KCNMB2: variants seen among roughly 807,000 people sequenced by gnomAD.
KCNMB2 encodes the protein potassium calcium-activated channel subfamily M regulatory beta subunit 2.
Under a neutral mutation model 24.5 loss-of-function variants are expected in KCNMB2, and 9 were observed. The ratio of observed to expected loss-of-function variants is 0.37; its 90% CI spans 0.22 to 0.64. The LOEUF is 0.64. Among genes scored for constraint, KCNMB2 ranks in the 30% least tolerant of loss-of-function variants. The probability of loss-of-function intolerance (pLI) is 0.63; values close to 1 mark genes in which losing one functional copy is unlikely to be tolerated. For missense variants in KCNMB2, 226 were observed against 284.3 expected (o/e 0.79, Z 1.47); for synonymous variants, 109 against 104.4 (o/e 1.04, Z -0.27).
rs374420503 is a variant in KCNMB2, at chr3:178,779,809, T to C, written c.-67-27534T>C. On this transcript the variant is annotated intron_variant, in intron 1 of 4. Coordinates refer to ENST00000452583, the MANE Select transcript of KCNMB2 (RefSeq NM_181361.3). ...AAATCATTCATGATCAAGGTCTCAG[T>C]ACATTAACCCATTATGAGTTGCAAA... is the stretch of plus-strand genomic sequence containing the variant. Among the ~76,000 whole-genome samples, 26 of 152,274 alleles carry C rather than the reference T, an allele frequency of 1.7e-4. 1 individual carries two copies. The East Asian group carries it at 2.7e-3, about 16-fold the overall frequency.
At chr3:178,693,735 G>A (rs1253950954) in intron 1 of KCNMB2, among the ~76,000 whole-genome samples, 5 of 152,072 alleles carry the variant, frequency 3.3e-5, no homozygotes, top group Non-Finnish European at 5.9e-5. Context: ...GGAGGATTTG[G>A]TATAAGGATG....
chr3:178,629,323 A>G (rs1476995479), intron 1 of KCNMB2, among the ~76,000 whole-genome samples: 1 of 152,192 alleles, frequency 6.6e-6, no homozygotes, highest in African/African-American at 2.4e-5. Context: ...AGCAAGGATA[A>G]ACTAAATGCA....
At chr3:178,782,714 G>A (rs1166996659) in intron 1 of KCNMB2, among the ~76,000 whole-genome samples, 2 of 151,118 alleles carry the variant, frequency 1.3e-5, no homozygotes, top group Non-Finnish European at 3.0e-5. Flanking sequence ...TGAGTAGGTT[G>A]CGAAAATTTT....
chr3:178,696,098 C>T (rs1374931500), intron 1 of KCNMB2, among the ~76,000 whole-genome samples: 2 of 152,166 alleles, frequency 1.3e-5, no homozygotes, highest in Non-Finnish European at 2.9e-5. Context: ...GTAAACATGT[C>T]CTTCTTCATA....
Position 178,549,184 on chromosome 3 carries a change from A to G in KCNMB2, c.-68+12473A>G, listed in dbSNP as rs143200490. 7.9e-5 allele frequency among the ~76,000 whole-genome samples: 12 copies of G among 152,346 alleles called. No individual in the cohort carries two copies. In the East Asian group the frequency reaches 1.5e-3, roughly 20 times the overall value. ...ACTGAATATATAAATGAATATAGTA[A>G]TGCTAACCCTATTAGCATGAAGAGA... On this transcript the variant is annotated intron_variant, in intron 1 of 4. Transcript: ENST00000452583.
intron 1 of KCNMB2, among the ~76,000 whole-genome samples, chr3:178,676,033 C>A (rs964956072): frequency 6.6e-6 from 1 of 152,176 alleles, no homozygotes; most frequent in African/African-American, 2.4e-5. Context: ...TAAAATCTCC[C>A]AGCTAGTATG....
At chr3:178,550,040 G>A (rs1415470197) in intron 1 of KCNMB2, among the ~76,000 whole-genome samples, 1 of 152,062 alleles carries the variant, frequency 6.6e-6, no homozygotes, top group Non-Finnish European at 1.5e-5. Flanking sequence ...TCAGTGTTAT[G>A]TTGGCTATAT....
At chr3:178,690,687 T>C (rs1436891671) in intron 1 of KCNMB2, among the ~76,000 whole-genome samples, 1 of 152,236 alleles carries the variant, frequency 6.6e-6, no homozygotes, top group Non-Finnish European at 1.5e-5. Flanking sequence ...AAGTCATTAA[T>C]AACAAACCAC....
chr3:178,785,357 T>A (rs1577186707), intron 1 of KCNMB2, among the ~76,000 whole-genome samples: 1 of 152,092 alleles, frequency 6.6e-6, no homozygotes, highest in African/African-American at 2.4e-5. Flanking sequence ...ATATTCTATA[T>A]CCTATAAATT....
intron 1 of KCNMB2, among the ~76,000 whole-genome samples, chr3:178,707,735 G>T (rs1383873578): frequency 1.3e-5 from 2 of 152,132 alleles, no homozygotes; most frequent in African/African-American, 4.8e-5. Flanking sequence ...CCATTAGACT[G>T]AGGTGATTCT....
At chr3:178,678,460 A>C (rs148031824) in intron 1 of KCNMB2, among the ~76,000 whole-genome samples, 27 of 152,344 alleles carry the variant, frequency 1.8e-4, no homozygotes, top group African/African-American at 6.5e-4. Context: ...AATAAGAGGA[A>C]GATAGAAGAC....
At chr3:178,642,335 C>T (rs1305276490) in intron 1 of KCNMB2, among the ~76,000 whole-genome samples, 1 of 152,082 alleles carries the variant, frequency 6.6e-6, no homozygotes, top group East Asian at 1.9e-4. Context: ...GAGTTCTAAC[C>T]AGGCTTATGA....
intron 1 of KCNMB2, among the ~76,000 whole-genome samples, chr3:178,581,160 A>C (rs1232089089): frequency 6.6e-6 from 1 of 152,232 alleles, no homozygotes; most frequent in Non-Finnish European, 1.5e-5. Flanking sequence ...TACTGGTACC[A>C]AAACAGAGAG....
rs1723455385 is a variant in KCNMB2, at chr3:178,740,354, T to C, written c.-67-66989T>C. On this transcript the variant is annotated intron_variant, in intron 1 of 4. Transcript: ENST00000452583. ...CCAGGATGGTCTCGATCTCCTGACC[T>C]CATGATCTGCCCGCCTCAGCCTCCC... Among the ~76,000 whole-genome samples the C allele has an allele frequency of 2.6e-5, 4 of 152,162 alleles. No individual in the cohort carries two copies. In the South Asian group the frequency reaches 8.3e-4, roughly 32 times the overall value.
chr3:178,713,825 T>C (rs549803781), intron 1 of KCNMB2, among the ~76,000 whole-genome samples: 1 of 152,264 alleles, frequency 6.6e-6, no homozygotes, highest in East Asian at 1.9e-4. Flanking sequence ...ATGACCATCA[T>C]TATAAAAATC....
chr3:178,673,617 A>G (rs551843984), intron 1 of KCNMB2, among the ~76,000 whole-genome samples: 31 of 152,206 alleles, frequency 2.0e-4, no homozygotes, highest in Middle Eastern at 6.8e-3. Context: ...ACTGGAGCCC[A>G]TGCCCACCCA....
chr3:178,837,087 TCTC>T (rs1715261553), intron 4 of KCNMB2, among the ~76,000 whole-genome samples: 1 of 151,994 alleles, frequency 6.6e-6, no homozygotes, highest in South Asian at 2.1e-4. Flanking sequence ...ACAATGCAAA[TCTC>T]CTAAGACAAA....
At chr3:178,689,680 T>C (rs1003801979) in intron 1 of KCNMB2, among the ~76,000 whole-genome samples, 1 of 152,150 alleles carries the variant, frequency 6.6e-6, no homozygotes, top group Admixed American at 6.6e-5. Context: ...GATGATCTGA[T>C]TTAACACCCA....
At position 178,843,183 on chromosome 3, in the gene KCNMB2, A is replaced by T. The variant is rs1418375551; in HGVS notation, c.*246A>T. Reference sequence around the variant, plus strand: ...ATCTTATTTCTGTACTGGAACTAGTACTTTCTTCTCTCATTCCGCCAAAAC... The same window carrying T: ...ATCTTATTTCTGTACTGGAACTAGTTCTTTCTTCTCTCATTCCGCCAAAAC... On this transcript the variant is annotated 3_prime_UTR_variant, in exon 5 of 5. Transcript: ENST00000452583. 1.7e-6 allele frequency: 1 copy of T among 580,418 alleles called. No homozygotes were observed. The highest frequency in any genetic ancestry group is 3.2e-6 in the Non-Finnish European group (1 of 307,942). The allele number at this position is 580,418 out of a possible 1,614,324, so 36.0% of individuals were successfully genotyped here. A position where few individuals can be genotyped will look rare whatever the true frequency, so the allele number is the denominator to read the frequency against.
Sources: allele counts gnomAD v4.1 joint callset (sites outside exome capture counted in the v4.1 genomes callset), GRCh38; gene constraint gnomAD v4.1.1; transcripts MANE v1.5; gene names NCBI Gene and HGNC (gene_info 2026-07-23, HGNC 2026-07-21).